RDX: variants seen among roughly 807,000 people sequenced by gnomAD.
The protein encoded by RDX is deafness, autosomal recessive 24.
A neutral mutation model predicts 83.7 loss-of-function variants in RDX; 32 were observed. The observed-to-expected ratio is 0.38, with a 90% CI of 0.29 to 0.51. RDX has a LOEUF of 0.51. Ranked by LOEUF, RDX falls within the 20% of genes least tolerant of loss-of-function variation. RDX has a pLI of 0.87. For missense variants in RDX, 600 were observed against 689.9 expected (o/e 0.87, Z 1.46); for synonymous variants, 229 against 222.7 (o/e 1.03, Z -0.25).
chr11:110,247,644 A>G, intron 10 of RDX, 59 bp downstream of exon 10: 1 of 1,564,312 alleles, frequency 6.4e-7, no homozygotes, highest in South Asian at 1.2e-5. Context: ...AAAAAATACC[A>G]CTATCTGACA....
At chr11:110,239,849 A>G (rs2134319327) in intron 10 of RDX, among the ~76,000 whole-genome samples, 1 of 152,120 alleles carries the variant, frequency 6.6e-6, no homozygotes, top group East Asian at 1.9e-4. Context: ...TTTAAAAAAA[A>G]AAAAAAAAAA....
intron 10 of RDX, among the ~76,000 whole-genome samples, chr11:110,247,235 T>C (rs1408659058): frequency 6.6e-6 from 1 of 152,218 alleles, no homozygotes; most frequent in Non-Finnish European, 1.5e-5. Flanking sequence ...GTGTATTTTC[T>C]AGTAGAATAA....
At chr11:110,199,760 G>C in intron 14 of RDX, 1 of 701,512 alleles carries the variant, frequency 1.4e-6, no homozygotes, top group South Asian at 1.5e-5. Flanking sequence ...CTGACTACTT[G>C]CTCAGCACAT....
chr11:110,208,576 T>A (rs971764514), intron 14 of RDX, among the ~76,000 whole-genome samples: 2 of 152,220 alleles, frequency 1.3e-5, no homozygotes, highest in Non-Finnish European at 2.9e-5. Context: ...CCATCTTCAC[T>A]TCTCCAATTT....
At chr11:110,209,172 T>C (rs187863020) in intron 14 of RDX, among the ~76,000 whole-genome samples, 1 of 152,236 alleles carries the variant, frequency 6.6e-6, no homozygotes, top group East Asian at 1.9e-4. Context: ...ATTGCCTCAC[T>C]TGGGAAGCCC....
rs1859657396 is a variant in RDX at position 110,258,633 on chromosome 11, A to G, written c.468-444T>C. 3.9e-5 allele frequency among the ~76,000 whole-genome samples: 6 copies of G among 152,310 alleles called. No individual in the cohort carries two copies. The South Asian group carries it at 1.2e-3, about 32-fold the overall frequency. ...AAACAGTTCAAAGGAATAAAACATT[A>G]GATAAAAAAATGGCTCATTGTTAAT... On this transcript the variant is annotated intron_variant, in intron 5 of 13. Coordinates refer to ENST00000645495, the MANE Select transcript of RDX (RefSeq NM_002906.4).
chr11:110,241,680 C>T (rs1300224482), intron 10 of RDX, among the ~76,000 whole-genome samples: 1 of 152,186 alleles, frequency 6.6e-6, no homozygotes, highest in Non-Finnish European at 1.5e-5. Context: ...TATCTTCCAT[C>T]TAAACAAGCA....
intron 1 of RDX, among the ~76,000 whole-genome samples, chr11:110,295,937 G>C (rs993139022): frequency 2.6e-5 from 4 of 152,216 alleles, no homozygotes; most frequent in Non-Finnish European, 4.4e-5. Context: ...CACTGGGGCG[G>C]AACGCACGCT....
chr11:110,289,175 T>C (rs1861112126), intron 1 of RDX, among the ~76,000 whole-genome samples: 2 of 150,190 alleles, frequency 1.3e-5, no homozygotes, highest in Admixed American at 1.3e-4. Context: ...GAGGCCGAGG[T>C]TGTGGTGAGC....
intron 1 of RDX, among the ~76,000 whole-genome samples, chr11:110,295,105 T>C (rs1861393458): frequency 6.6e-6 from 1 of 152,304 alleles, no homozygotes; most frequent in East Asian, 1.9e-4. Flanking sequence ...GAAAGTATTA[T>C]TAATCTCTGG....
At chr11:110,240,919 G>A (rs1865067926) in intron 10 of RDX, among the ~76,000 whole-genome samples, 1 of 150,838 alleles carries the variant, frequency 6.6e-6, no homozygotes, top group South Asian at 2.1e-4. Flanking sequence ...AGCTGGGTGT[G>A]GTGGCGGGCG....
chr11:110,205,319 A>C (rs539449097), intron 14 of RDX, among the ~76,000 whole-genome samples: 6 of 151,640 alleles, frequency 4.0e-5, no homozygotes, highest in Non-Finnish European at 8.8e-5. Context: ...CATGACATAA[A>C]GTGAGAGAAT....
At chr11:110,295,298 T>C (rs1405050105) in intron 1 of RDX, among the ~76,000 whole-genome samples, 3 of 131,554 alleles carry the variant, frequency 2.3e-5, no homozygotes, top group Non-Finnish European at 4.9e-5. Context: ...TAAAAGAGTA[T>C]TTAGTGTTCT....
intron 1 of RDX, among the ~76,000 whole-genome samples, chr11:110,292,324 G>T (rs1251354622): frequency 6.6e-6 from 1 of 151,972 alleles, no homozygotes; most frequent in Non-Finnish European, 1.5e-5. Context: ...GCTAGGCATG[G>T]TGGCACACGC....
Position 110,245,764 on chromosome 11 carries a change from G to A in RDX, c.1090+1939C>T, listed in dbSNP as rs531427500. On this transcript the variant is annotated intron_variant, in intron 10 of 13. Transcript: ENST00000645495. ...TAAAATGTAAACTCCAGGAGAATAG[G>A]AACTCTTTTTGTCCAGTACTATAAT... 1.6e-3 allele frequency among the ~76,000 whole-genome samples: 243 copies of A among 152,136 alleles called. 4 individuals are homozygous for A. The highest frequency in any genetic ancestry group is 3.9e-4 in the East Asian group (2 of 5,180).
chr11:110,271,327 CTTCT>C lies in RDX; in HGVS notation c.96+1205_96+1208del, dbSNP rs1860303412. ...CTGCTGAAATGCTAGAAACTCTTTC[CTTCT>C]TTAAGATCAAGTTATTCTGACTACA... On this transcript the variant is annotated intron_variant, in intron 3 of 13. Transcript: ENST00000645495. Among the ~76,000 whole-genome samples the C allele has an allele frequency of 2.0e-5, 3 of 152,122 alleles. No homozygotes were observed. The South Asian group carries it at 6.2e-4, about 32-fold the overall frequency.
rs566675319 is a variant in RDX at position 110,230,038 on chromosome 11, T to C, written c.*1831A>G. ...TTCAAGGTTAACCAGCTATGTTTTG[T>C]CCTACAAAGTTCAAAAAATATATTA... On this transcript the variant is annotated 3_prime_UTR_variant, in exon 14 of 14. Transcript: ENST00000645495. 3.3e-5 allele frequency: 5 copies of C among 152,658 alleles called. No individual in the cohort carries two copies. In the South Asian group the frequency reaches 8.3e-4, roughly 25 times the overall value. 9.5% of individuals were successfully genotyped at this position (152,658 alleles called of 1,614,324 possible).
At chr11:110,204,109 AG>A (rs1863514816) in intron 14 of RDX, among the ~76,000 whole-genome samples, 3 of 152,206 alleles carry the variant, frequency 2.0e-5, no homozygotes, top group Admixed American at 6.5e-5. Context: ...CAGTCAACTC[AG>A]TAAGAAACAG....
intron 14 of RDX, among the ~76,000 whole-genome samples, chr11:110,219,610 C>G (rs1399276910): frequency 3.2e-4 from 48 of 151,964 alleles, no homozygotes; most frequent in Admixed American, 2.6e-3. Flanking sequence ...GCTGGGCCAA[C>G]AGAATTATGA....
Sources: allele counts gnomAD v4.1 joint callset (sites outside exome capture counted in the v4.1 genomes callset), GRCh38; gene constraint gnomAD v4.1.1; transcripts MANE v1.5; gene names NCBI Gene and HGNC (gene_info 2026-07-23, HGNC 2026-07-21).